PPM1L: variants seen among roughly 807,000 people sequenced by gnomAD.
PPM1L encodes protein phosphatase 1L.
In PPM1L, 13 loss-of-function variants were observed where a neutral mutation model predicts 31.4. The ratio of observed to expected loss-of-function variants is 0.41; its 90% confidence interval spans 0.27 to 0.66. The LOEUF (loss-of-function observed/expected upper bound fraction) is 0.66, where lower values mean the gene tolerates loss of function less well. Among genes scored for constraint, PPM1L ranks in the 30% least tolerant of loss-of-function variants. PPM1L has a pLI of 0.29. For missense variants in PPM1L, 326 were observed against 453.7 expected (o/e 0.72, Z 2.56); for synonymous variants, 184 against 175.4 (o/e 1.05, Z -0.39).
rs560447350 is a variant in PPM1L, at chr3:160,768,746, T to G, written c.399+12039T>G. On this transcript the variant is annotated intron_variant, in intron 1 of 3. Coordinates refer to ENST00000498165, the MANE Select transcript of PPM1L (RefSeq NM_139245.4). ...ACCTAGATGGTACATTATTGGGAAG[T>G]TTTTGGTTGCAAGTGACAGAAAACT... is the stretch of plus-strand genomic sequence containing the variant. Among the ~76,000 whole-genome samples, 21 of 152,048 alleles carry G rather than the reference T, an allele frequency of 1.4e-4. No homozygotes were observed. The South Asian group carries it at 1.7e-3, about 12-fold the overall frequency.
chr3:160,866,047 A>G (rs1054447301), intron 1 of PPM1L, among the ~76,000 whole-genome samples: 35 of 152,190 alleles, frequency 2.3e-4, no homozygotes, highest in African/African-American at 8.0e-4. Flanking sequence ...TTGACAACTG[A>G]CCTTACTCAG....
At chr3:160,964,660 T>G (rs994530307) in intron 2 of PPM1L, among the ~76,000 whole-genome samples, 3 of 152,170 alleles carry the variant, frequency 2.0e-5, no homozygotes, top group Admixed American at 2.0e-4. Context: ...GTTTTTAAAG[T>G]GATCTTCAGC....
intron 2 of PPM1L, chr3:161,036,180 A>G (rs1395504025): frequency 1.3e-5 from 2 of 152,234 alleles, no homozygotes; most frequent in Non-Finnish European, 1.5e-5. Context: ...TATAATCACT[A>G]ACTTCACAGA....
chr3:161,043,506 G>A (rs548076386), intron 2 of PPM1L, among the ~76,000 whole-genome samples: 3 of 152,214 alleles, frequency 2.0e-5, no homozygotes, highest in African/African-American at 7.2e-5. Context: ...TTTAAGTTTC[G>A]TTTAGCAGAT....
At chr3:160,797,235 G>C (rs1302430571) in intron 1 of PPM1L, among the ~76,000 whole-genome samples, 4 of 151,906 alleles carry the variant, frequency 2.6e-5, no homozygotes, top group Non-Finnish European at 1.5e-5. Context: ...ATCTGTCCTG[G>C]TGTTTTCTGG....
Position 161,069,165 on chromosome 3 carries a change from A to G in PPM1L, c.*8A>G. ...AAAACAGAAGAGCAGTGAACCCTTC[A>G]GGGGTCTCAGCTGCCTTAGACTAAA... On this transcript the variant is annotated 3_prime_UTR_variant, in exon 4 of 4. Coordinates refer to ENST00000498165, the MANE Select transcript of PPM1L (RefSeq NM_139245.4). 6.2e-7 allele frequency: 1 copy of G among 1,601,594 alleles called. No homozygotes were observed. Among genetic ancestry groups the G allele is most frequent in the South Asian group, 1.1e-5 (1 of 89,772 alleles).
At chr3:160,988,329 T>G (rs1451254165) in intron 2 of PPM1L, among the ~76,000 whole-genome samples, 1 of 152,238 alleles carries the variant, frequency 6.6e-6, no homozygotes, top group Non-Finnish European at 1.5e-5. Context: ...TCAACCTTGT[T>G]CTTGAAATGA....
chr3:160,949,624 C>T (rs943554784), intron 1 of PPM1L, among the ~76,000 whole-genome samples: 7 of 152,030 alleles, frequency 4.6e-5, no homozygotes, highest in African/African-American at 1.5e-4. Flanking sequence ...TTTAAAGCAC[C>T]CATTCCCCAT....
At chr3:160,940,999 C>T (rs540666696) in intron 1 of PPM1L, among the ~76,000 whole-genome samples, 1 of 152,328 alleles carries the variant, frequency 6.6e-6, no homozygotes, top group South Asian at 2.1e-4. Flanking sequence ...GGGAACCCAC[C>T]TCTTGCATCA....
chr3:160,979,086 A>T (rs1003365017), intron 2 of PPM1L, among the ~76,000 whole-genome samples: 4 of 152,040 alleles, frequency 2.6e-5, no homozygotes, highest in African/African-American at 9.7e-5. Flanking sequence ...TAACGGCTCA[A>T]CAGGACAGGA....
intron 2 of PPM1L, among the ~76,000 whole-genome samples, chr3:160,974,309 G>T (rs1030691575): frequency 1.3e-5 from 2 of 151,702 alleles, no homozygotes; most frequent in African/African-American, 2.4e-5. Flanking sequence ...CTTTGCTATT[G>T]TGAATAATGC....
At chr3:160,767,381 G>A (rs1219054573) in intron 1 of PPM1L, among the ~76,000 whole-genome samples, 1 of 151,974 alleles carries the variant, frequency 6.6e-6, no homozygotes, top group Non-Finnish European at 1.5e-5. Flanking sequence ...CTACAGGCGT[G>A]TGCCACCATG....
intron 1 of PPM1L, among the ~76,000 whole-genome samples, chr3:160,809,089 C>G (rs1307907429): frequency 6.6e-6 from 1 of 152,236 alleles, no homozygotes; most frequent in Non-Finnish European, 1.5e-5. Flanking sequence ...GTCCCAGAAT[C>G]TGCTCCCGAG....
chr3:160,977,900 C>T (rs147724474), intron 2 of PPM1L, among the ~76,000 whole-genome samples: 145 of 152,254 alleles, frequency 9.5e-4, no homozygotes, highest in Non-Finnish European at 1.9e-3. Context: ...TCTTTTGGCA[C>T]TAAAGATCAT....
At chr3:160,980,821 G>A (rs1057374103) in intron 2 of PPM1L, among the ~76,000 whole-genome samples, 10 of 151,614 alleles carry the variant, frequency 6.6e-5, no homozygotes, top group Admixed American at 2.6e-4. Flanking sequence ...GGGAAGGAAG[G>A]TAGAAGGAAG....
At position 160,914,920 on chromosome 3, in the gene PPM1L, T is replaced by C. The variant is rs867785014; in HGVS notation, c.400-46816T>C. The stretch of plus-strand genomic sequence containing the variant: ...CAGTCCCACCAACAGTGTAAAAGTG[T>C]TCCTATTTCTCCACATCCTCTCCAG... On this transcript the variant is annotated intron_variant, in intron 1 of 3. Coordinates refer to ENST00000498165, the MANE Select transcript of PPM1L (RefSeq NM_139245.4). 8.3e-4 allele frequency among the ~76,000 whole-genome samples: 127 copies of C among 152,242 alleles called. 1 individual carries two copies. The highest frequency in any genetic ancestry group is 2.6e-3 in the Admixed American group (40 of 15,288).
chr3:160,959,854 A>G (rs950566913), intron 1 of PPM1L, among the ~76,000 whole-genome samples: 10 of 152,144 alleles, frequency 6.6e-5, no homozygotes, highest in Non-Finnish European at 5.9e-5. Flanking sequence ...AAATAAAAAA[A>G]TAAAGTGTCT....
At chr3:160,951,676 A>T (rs1346410276) in intron 1 of PPM1L, among the ~76,000 whole-genome samples, 1 of 152,208 alleles carries the variant, frequency 6.6e-6, no homozygotes, top group Non-Finnish European at 1.5e-5. Context: ...ATTGAATATG[A>T]ATTAGATGAC....
At chr3:160,918,407 T>TA in intron 1 of PPM1L, among the ~76,000 whole-genome samples, 1 of 152,364 alleles carries the variant, frequency 6.6e-6, no homozygotes, top group East Asian at 1.9e-4. Context: ...AGCAGCATGC[T>TA]AAAACCTTTG....
Sources: gnomAD v4.1 joint callset for allele counts (sites outside exome capture counted in the v4.1 genomes callset) on GRCh38, gnomAD v4.1.1 for gene constraint, MANE v1.5 for transcripts, NCBI Gene and HGNC (gene_info 2026-07-23, HGNC 2026-07-21) for gene names.